GRINA: variants seen among roughly 807,000 people sequenced by gnomAD.
GRINA encodes the protein glutamate ionotropic receptor NMDA type subunit associated protein 1.
Under a neutral mutation model 42.5 loss-of-function variants are expected in GRINA, and 26 were observed. That is an observed-to-expected ratio of 0.61 (90% confidence interval 0.45 to 0.85). The LOEUF is 0.85. Among genes scored for constraint, GRINA ranks in the 40% least tolerant of loss-of-function variants. The probability of loss-of-function intolerance (pLI) is 0.00; values close to 1 mark genes in which losing one functional copy is unlikely to be tolerated. For missense variants in GRINA, 475 were observed against 481.5 expected, an observed-to-expected ratio of 0.99 and a Z score of 0.13; for synonymous variants, 256 against 204.2, an observed-to-expected ratio of 1.25 and a Z score of -2.17.
intron 1 of GRINA, 190 bp from the exon 2 acceptor site, chr8:143,991,010 G>A (rs2133062410): frequency 2.6e-6 from 1 of 379,362 alleles, no homozygotes; most frequent in South Asian, 5.2e-5. Context: ...AAGGCCCCAC[G>A]GCGCCGCCCG....
rs782714599 is a variant in GRINA at position 143,992,775 on chromosome 8, C to T, written c.1050C>T (p.Asn350=). The T allele has an allele frequency of 5.8e-5, 94 of 1,613,678 alleles. No individual in the cohort carries two copies. Among genetic ancestry groups the T allele is most frequent in the Non-Finnish European group, 7.7e-5 (91 of 1,179,784 alleles). Residue 350 remains asparagine (N), a synonymous_variant, in exon 7 of 7, where the codon AAC becomes AAT. Transcript: ENST00000395068. ...SPEEYVFAAL[N]LYTDIINIFL... ...AAGAGTATGTGTTTGCTGCGCTGAA[C>T]CTGTACACAGACATCATCAACATCT...
In GRINA at chr8:143,991,411, CCTACCCCCAAGGGGG is replaced by C. The variant is rs781897060; in HGVS notation, c.195_209del (p.Gly68_Gly72del). 2.3e-6 allele frequency: 3 copies of C among 1,292,682 alleles called. No individual in the cohort carries two copies. The highest frequency in any genetic ancestry group is 3.1e-6 in the Non-Finnish European group (3 of 953,216). 80.1% of individuals were successfully genotyped at this position (1,292,682 alleles called of 1,614,324 possible). A position where few individuals can be genotyped will look rare whatever the true frequency, so the allele number is the denominator to read the frequency against. Reference sequence around the variant, plus strand: ...CCAGGGTACCCCCATGGCCCCAGCCCCTACCCCCAAGGGGGCTACCCACAGGGTCCCTACCCCCAA... The same window carrying C: ...CCAGGGTACCCCCATGGCCCCAGCCCCTACCCACAGGGTCCCTACCCCCAA... On this transcript the variant is annotated inframe_deletion, in exon 2 of 7. Coordinates refer to ENST00000395068, the MANE Select transcript of GRINA (RefSeq NM_001009184.2).
rs1341325773 is a variant in GRINA at position 143,990,398 on chromosome 8, G to A, written c.-25+199G>A. The A allele has an allele frequency of 6.6e-6, 1 of 151,550 alleles. No individual in the cohort carries two copies. 9.4% of individuals were successfully genotyped at this position (151,550 alleles called of 1,614,324 possible). On this transcript the variant is annotated intron_variant, in intron 1 of 6. Coordinates refer to ENST00000395068, the MANE Select transcript of GRINA (RefSeq NM_001009184.2). The surrounding 1 kb of genome is among the most constrained non-coding windows in gnomAD (Gnocchi z 5.6). Reference sequence around the variant, plus strand: ...GGGGGCGGGGAGCCGCGGCGGCCTGGAGCCGGAGGGAGGGGGCGGCGCGCT... The same window carrying A: ...GGGGGCGGGGAGCCGCGGCGGCCTGAAGCCGGAGGGAGGGGGCGGCGCGCT...
At position 143,991,583 on chromosome 8, in the gene GRINA, C is replaced by G. The variant is rs782117732; in HGVS notation, c.360C>G (p.Phe120Leu). 6.1e-5 allele frequency: 97 copies of G among 1,589,422 alleles called. No individual in the cohort carries two copies. Among genetic ancestry groups the G allele is most frequent in the Non-Finnish European group, 8.2e-5 (95 of 1,160,668 alleles). The part of the protein sequence containing the change: ...PPNPYGQPQV[F>L]PGQDPDSPQH... The stretch of plus-strand genomic sequence containing the variant: ...ACCCCTATGGACAGCCACAGGTCTT[C>G]CCAGGACAAGACCCTGACTGTGAGT... The change falls in exon 2 of 7, where the codon TTC (phenylalanine) becomes TTG (leucine). Residue 120 changes from phenylalanine to leucine, a missense_variant. Transcript: ENST00000395068.
chr8:143,991,395 C>A lies in GRINA; in HGVS notation c.172C>A (p.Pro58Thr), dbSNP rs1554750420. Residue 58 changes from proline (P) to threonine (T), a missense_variant, in exon 2 of 7, where the codon CCC becomes ACC. Pro to Thr is a conservative substitution (Grantham distance 38). Coordinates refer to ENST00000395068, the MANE Select transcript of GRINA (RefSeq NM_001009184.2). ...QPSPYGQPGY[P>T]HGPSPYPQGG... ...CTCCCCCTACGGTCAGCCAGGGTACCCCCATGGCCCCAGCCCCTACCCCCA... is the reference window on the plus strand; with the variant it reads ...CTCCCCCTACGGTCAGCCAGGGTACACCCATGGCCCCAGCCCCTACCCCCA... 3 of 1,165,314 alleles carry A rather than the reference C, an allele frequency of 2.6e-6. No homozygotes were observed. Among genetic ancestry groups the A allele is most frequent in the East Asian group, 5.2e-5 (2 of 38,500 alleles). 72.2% of individuals were successfully genotyped at this position (1,165,314 alleles called of 1,614,324 possible).
rs1554750711 is a variant in GRINA, at chr8:143,992,488, C to T, written c.846C>T (p.Cys282=). The change falls in exon 6 of 7, where the codon TGC becomes TGT. Residue 282 remains cysteine, a synonymous_variant. Coordinates refer to ENST00000395068, the MANE Select transcript of GRINA (RefSeq NM_001009184.2). ...SMQTRYDFTS[C]MGVLLVSMVV... is the part of the protein sequence containing the mutation. ...AGACCCGCTACGACTTCACCTCATG[C>T]ATGGGCGTGCTCCTGGTGAGCATGG... The T allele has an allele frequency of 6.2e-7, 1 of 1,614,162 alleles. No homozygotes were observed. Among genetic ancestry groups the T allele is most frequent in the East Asian group, 2.2e-5 (1 of 44,892 alleles).
Position 143,991,385 on chromosome 8 carries a change from G to T in GRINA, c.162G>T (p.Gln54His). ...QPPFQPSPYG[Q>H]PGYPHGPSPY... The stretch of plus-strand genomic sequence containing the variant: ...CTTTCCAGCCCTCCCCCTACGGTCA[G>T]CCAGGGTACCCCCATGGCCCCAGCC... Residue 54 changes from glutamine to histidine, a missense_variant, in exon 2 of 7, where the codon CAG (glutamine) becomes CAT (histidine). By Grantham distance (24) the Gln-to-His change is conservative. Around this residue, in one of 2 missense-constraint regions of GRINA, gnomAD observed 321 missense variants for 267.2 expected, o/e 1.20. Transcript: ENST00000395068. 8.4e-7 allele frequency: 1 copy of T among 1,187,094 alleles called. No individual in the cohort carries two copies. Among genetic ancestry groups the T allele is most frequent in the Non-Finnish European group, 1.2e-6 (1 of 857,208 alleles). 73.5% of individuals were successfully genotyped at this position (1,187,094 alleles called of 1,614,324 possible).
chr8:143,991,227 T>C lies in GRINA; in HGVS notation c.4T>C (p.Ser2Pro). 6.3e-7 allele frequency: 1 copy of C among 1,576,896 alleles called. No homozygotes were observed. The highest frequency in any genetic ancestry group is 8.6e-7 in the Non-Finnish European group (1 of 1,162,282). The change falls in exon 2 of 7, where the codon TCC (serine) becomes CCC (proline). Residue 2 changes from serine to proline, a missense_variant. Coordinates refer to ENST00000395068, the MANE Select transcript of GRINA (RefSeq NM_001009184.2). MSHEKSFLVSGD... is the reference protein window; with the variant it reads MPHEKSFLVSGD... ...GCGGACCGCGGAACCCGAGGCCATG[T>C]CCCATGAAAAGAGTTTTTTGGTGTC...
At position 143,990,335 on chromosome 8, in the gene GRINA, G is replaced by T. The variant is rs1834070142; in HGVS notation, c.-25+136G>T. The stretch of plus-strand genomic sequence containing the variant: ...GGGTCAGTAAGTTGGTCCGGCCGGG[G>T]CGCGCGGCAGCTCGCGGCCAGAGGT... On this transcript the variant is annotated intron_variant, in intron 1 of 6. Coordinates refer to ENST00000395068, the MANE Select transcript of GRINA (RefSeq NM_001009184.2). The surrounding 1 kb of genome is among the most constrained non-coding windows in gnomAD (Gnocchi z 5.6). 6.6e-6 allele frequency: 1 copy of T among 150,616 alleles called. No homozygotes were observed. The highest frequency in any genetic ancestry group is 1.5e-5 in the Non-Finnish European group (1 of 67,338). The allele number at this position is 150,616 out of a possible 1,614,324, so 9.3% of individuals were successfully genotyped here. A position where few individuals can be genotyped will look rare whatever the true frequency, so the allele number is the denominator to read the frequency against.
rs200300041 is a variant in GRINA at position 143,991,295 on chromosome 8, G to A, written c.72G>A (p.Gly24=). The A allele has an allele frequency of 4.8e-6, 7 of 1,470,034 alleles. No individual in the cohort carries two copies. The highest frequency in any genetic ancestry group is 2.4e-5 in the East Asian group (1 of 41,372). The allele number at this position is 1,470,034 out of a possible 1,614,324, so 91.1% of individuals were successfully genotyped here. The change falls in exon 2 of 7, where the codon GGG becomes GGA. Residue 24 remains glycine, a synonymous_variant. Coordinates refer to ENST00000395068, the MANE Select transcript of GRINA (RefSeq NM_001009184.2). ...CCCCCAACCCTGGATATCCGGGGGGGCCCCAGCCACCCATGCCCCCCTATG... is the reference window on the plus strand; with the variant it reads ...CCCCCAACCCTGGATATCCGGGGGGACCCCAGCCACCCATGCCCCCCTATG... ...YPPPNPGYPG[G]PQPPMPPYAQ...
rs377024859 is a variant in GRINA, at chr8:143,991,396, C to T, written c.173C>T (p.Pro58Leu). The T allele has an allele frequency of 1.7e-6, 2 of 1,175,126 alleles. No individual in the cohort carries two copies. Among genetic ancestry groups the T allele is most frequent in the African/African-American group, 1.5e-5 (1 of 64,588 alleles). 72.8% of individuals were successfully genotyped at this position (1,175,126 alleles called of 1,614,324 possible). A position where few individuals can be genotyped will look rare whatever the true frequency, so the allele number is the denominator to read the frequency against. Residue 58 changes from proline (P) to leucine (L), a missense_variant, in exon 2 of 7, where the codon CCC becomes CTC. Transcript: ENST00000395068. ...QPSPYGQPGY[P>L]HGPSPYPQGG... ...TCCCCCTACGGTCAGCCAGGGTACC[C>T]CCATGGCCCCAGCCCCTACCCCCAA...
At position 143,992,234 on chromosome 8, in the gene GRINA, C is replaced by T. The variant is rs1554750660; in HGVS notation, c.694-11C>T. On this transcript the variant is annotated splice_polypyrimidine_tract_variant and intron_variant, in intron 4 of 6. Transcript: ENST00000395068. Reference sequence around the variant, plus strand: ...ACACACCCAAGGTCAGCCTGTGTCTCCCAACTGCAGTCGGTCCTGACCGCC... The same window carrying T: ...ACACACCCAAGGTCAGCCTGTGTCTTCCAACTGCAGTCGGTCCTGACCGCC... The T allele has an allele frequency of 6.2e-7, 1 of 1,604,300 alleles. No homozygotes were observed. The highest frequency in any genetic ancestry group is 2.2e-5 in the East Asian group (1 of 44,778).
chr8:143,992,114 G>A (rs782539977), intron 4 of GRINA, 36 bp downstream of exon 4: 4 of 1,606,334 alleles, frequency 2.5e-6, no homozygotes, highest in Admixed American at 1.7e-5. Context: ...GCCTGGGTCC[G>A]GCCATGCAGT....
At position 143,991,923 on chromosome 8, in the gene GRINA, G is replaced by A. The variant is rs80257578; in HGVS notation, c.538G>A (p.Val180Met). 1 of 1,613,656 alleles carries A rather than the reference G, an allele frequency of 6.2e-7. No individual in the cohort carries two copies. The highest frequency in any genetic ancestry group is 8.5e-7 in the Non-Finnish European group (1 of 1,179,724). Reference protein sequence around the residue: ...TLQLSVTLSTVSVFTFVAEVK... With the variant: ...TLQLSVTLSTMSVFTFVAEVK... Reference sequence around the variant, plus strand: ...GCAGCTGTCGGTGACCCTGTCCACGGTGTCTGTGTTCACTTTTGTTGCGGA... The same window carrying A: ...GCAGCTGTCGGTGACCCTGTCCACGATGTCTGTGTTCACTTTTGTTGCGGA... Residue 180 changes from valine to methionine, a missense_variant, in exon 4 of 7, where the codon GTG becomes ATG. Val to Met is a conservative substitution (Grantham distance 21, BLOSUM62 1). Around this residue, in one of 2 missense-constraint regions of GRINA, gnomAD observed 321 missense variants for 267.2 expected, o/e 1.20. Coordinates refer to ENST00000395068, the MANE Select transcript of GRINA (RefSeq NM_001009184.2).
chr8:143,992,001 G>C lies in GRINA; in HGVS notation c.616G>C (p.Val206Leu). ...NVWTYYVSYA[V>L]FFISLIVLSC... ...CTGGACCTACTATGTCTCCTATGCT[G>C]TCTTCTTCATCTCTCTCATCGTCCT... Residue 206 changes from valine to leucine, a missense_variant, in exon 4 of 7, where the codon GTC becomes CTC. By Grantham distance (32) the Val-to-Leu change is conservative (BLOSUM62 1). Transcript: ENST00000395068. The C allele has an allele frequency of 1.2e-6, 2 of 1,613,858 alleles. No individual in the cohort carries two copies.
Position 143,992,087 on chromosome 8 carries a change from C to A in GRINA, c.693+9C>A. The A allele has an allele frequency of 3.1e-6, 5 of 1,612,928 alleles. No homozygotes were observed. In the South Asian group the frequency reaches 5.5e-5, roughly 18 times the overall value. ...GGAACCTTGTTGCACTGGTAACCCCCAAACCTGAGCCTCTGTGCCTGGGTC... is the reference window on the plus strand; with the variant it reads ...GGAACCTTGTTGCACTGGTAACCCCAAAACCTGAGCCTCTGTGCCTGGGTC... On this transcript the variant is annotated intron_variant, in intron 4 of 6. Coordinates refer to ENST00000395068, the MANE Select transcript of GRINA (RefSeq NM_001009184.2).
intron 1 of GRINA, 75 bp from the exon 2 acceptor site, chr8:143,991,125 T>G: frequency 1.3e-6 from 1 of 742,626 alleles, no homozygotes; most frequent in Non-Finnish European, 2.2e-6. Flanking sequence ...CAGAAGCAGG[T>G]GGAGTTGCGC....
Position 143,992,537 on chromosome 8 carries a change from C to T in GRINA, c.895C>T (p.Leu299Phe). 1 of 1,614,162 alleles carries T rather than the reference C, an allele frequency of 6.2e-7. No homozygotes were observed. Among genetic ancestry groups the T allele is most frequent in the Non-Finnish European group, 8.5e-7 (1 of 1,180,018 alleles). Residue 299 changes from leucine to phenylalanine, a missense_variant, in exon 6 of 7, where the codon CTC (leucine) becomes TTC (phenylalanine). Physicochemically the swap from Leu to Phe is conservative, Grantham distance 22. Transcript: ENST00000395068. Reference sequence around the variant, plus strand: ...GGTGGTGCTCTTCATCTTCGCCATTCTCTGCATCTTCATCCGGAACCGCAT... The same window carrying T: ...GGTGGTGCTCTTCATCTTCGCCATTTTCTGCATCTTCATCCGGAACCGCAT... ...SMVVLFIFAI[L>F]CIFIRNRILE... is the part of the protein sequence containing the mutation.
chr8:143,992,147 C>T (rs1554750629), intron 4 of GRINA, 69 bp downstream of exon 4: 2 of 1,602,106 alleles, frequency 1.2e-6, no homozygotes, highest in African/African-American at 1.3e-5. Flanking sequence ...CTCTTCCGGG[C>T]CTGGTCACCG....
Sources: allele counts gnomAD v4.1 joint callset, GRCh38; gene constraint gnomAD v4.1.1; regional missense constraint gnomAD v4.1.1; non-coding constraint Gnocchi (gnomAD v3.1); transcripts MANE v1.5; gene names NCBI Gene and HGNC (gene_info 2026-07-23, HGNC 2026-07-21).